The following NOM1 variants were observed in gnomAD, a reference collection of about 807,000 sequenced individuals.
NOM1 encodes nucleolar protein with MIF4G domain 1.
In NOM1, 58 loss-of-function variants were observed where a neutral mutation model predicts 73.3. That is an observed-to-expected ratio of 0.79 (90% CI 0.64 to 0.99). The LOEUF (loss-of-function observed/expected upper bound fraction) is 0.99. NOM1 is among the 50% of genes least tolerant of loss of function. The pLI is 0.00. For synonymous variants in NOM1, 487 were observed against 446.8 expected, an observed-to-expected ratio of 1.09 and a Z score of -1.14; for missense variants, 1,226 against 1,131.9, an observed-to-expected ratio of 1.08 and a Z score of -1.19.
chr7:156,957,605 T>C (rs939453360), intron 3 of NOM1, among the ~76,000 whole-genome samples: 2 of 151,418 alleles, frequency 1.3e-5, no homozygotes, highest in African/African-American at 4.8e-5. Context: ...GAAACCCCGT[T>C]TCTACTAAAA....
intron 7 of NOM1, 94 bp from the exon 8 acceptor site, chr7:156,966,176 C>T (rs1804990712): frequency 7.9e-6 from 12 of 1,517,104 alleles, no homozygotes; most frequent in Middle Eastern, 3.5e-4. Flanking sequence ...TCTAACCAGA[C>T]CCTTCCAGGC....
At chr7:156,963,767 C>T in intron 6 of NOM1, 138 bp from the exon 7 acceptor site, 1 of 935,652 alleles carries the variant, frequency 1.1e-6, no homozygotes, top group Non-Finnish European at 1.6e-6. Context: ...GGGGCGTTGC[C>T]CGAGAGTGGA....
chr7:156,966,149 CCTT>C, intron 7 of NOM1, 118 bp from the exon 8 acceptor site: 1 of 1,264,192 alleles, frequency 7.9e-7, no homozygotes, highest in Non-Finnish European at 1.1e-6. Context: ...GCCTCCACCT[CCTT>C]TACGTGGCTC....
intron 4 of NOM1, among the ~76,000 whole-genome samples, chr7:156,960,742 G>A (rs1490817493): frequency 1.3e-5 from 2 of 152,222 alleles, no homozygotes; most frequent in South Asian, 2.1e-4. Flanking sequence ...CATCTGAAGG[G>A]TTCCAGCAGG....
intron 4 of NOM1, among the ~76,000 whole-genome samples, chr7:156,960,903 G>A (rs1436577804): frequency 6.6e-6 from 1 of 152,140 alleles, no homozygotes; most frequent in African/African-American, 2.4e-5. Flanking sequence ...GTGGACATGG[G>A]CGTCAGAAGT....
intron 2 of NOM1, among the ~76,000 whole-genome samples, chr7:156,953,688 G>C (rs1350118200): frequency 1.3e-5 from 2 of 152,198 alleles, no homozygotes; most frequent in Non-Finnish European, 2.9e-5. Flanking sequence ...AAACAGAGCA[G>C]CCTTTTCTAG....
Position 156,950,663 on chromosome 7 carries a change from G to T in NOM1, c.926G>T (p.Arg309Leu). 1 of 1,552,484 alleles carries T rather than the reference G, an allele frequency of 6.4e-7. No homozygotes were observed. Among genetic ancestry groups the T allele is most frequent in the Non-Finnish European group, 8.7e-7 (1 of 1,147,298 alleles). Residue 309 changes from arginine (R) to leucine (L), a missense_variant, in exon 1 of 11, where the codon CGT becomes CTT. Physicochemically the swap from Arg to Leu is moderately radical, Grantham distance 102. Coordinates refer to ENST00000275820, the MANE Select transcript of NOM1 (RefSeq NM_138400.2). ...AQEKRRGKRV[R>L]FAEDEEKSEN... is the part of the protein sequence containing the mutation. ...GAGAAAAGGAGGGGGAAGAGAGTCC[G>T]TTTTGCAGAAGATGAAGAAAAGAGT...
At chr7:156,969,444 A>G (rs1164805157) in intron 10 of NOM1, 85 bp from the exon 11 acceptor site, 1 of 1,125,780 alleles carries the variant, frequency 8.9e-7, no homozygotes, top group Non-Finnish European at 1.3e-6. Flanking sequence ...GAAACTGGTT[A>G]TGTCTCACTA....
chr7:156,960,228 C>A, intron 4 of NOM1, 54 bp downstream of exon 4: 4 of 1,436,544 alleles, frequency 2.8e-6, no homozygotes, highest in Non-Finnish European at 3.8e-6. Flanking sequence ...CACAAACTGG[C>A]CAGAACCTAA....
chr7:156,955,375 G>T (rs1483094513), intron 3 of NOM1, among the ~76,000 whole-genome samples: 1 of 152,202 alleles, frequency 6.6e-6, no homozygotes, highest in African/African-American at 2.4e-5. Context: ...GGAGATTGTT[G>T]TGAGGTTGGT....
At chr7:156,962,298 G>C in intron 5 of NOM1, 37 bp downstream of exon 5, 1 of 1,500,576 alleles carries the variant, frequency 6.7e-7, no homozygotes, top group Non-Finnish European at 9.3e-7. Flanking sequence ...TTTGCTCAGA[G>C]CTTCCGTGTC....
In NOM1 at chr7:156,960,029, A is replaced by T. The variant is rs769140387; in HGVS notation, c.1487A>T (p.Glu496Val). The change falls in exon 4 of 11, where the codon GAA becomes GTA. Residue 496 changes from glutamate to valine, a missense_variant. Coordinates refer to ENST00000275820, the MANE Select transcript of NOM1 (RefSeq NM_138400.2). Reference protein sequence around the residue: ...ILKKLIGTFTEKDIELILLML... With the variant: ...ILKKLIGTFTVKDIELILLML... ...AAAAAACTGATTGGAACTTTCACCG[A>T]AAAAGATATTGAACTGATCTTGTTA... 2 of 1,614,198 alleles carry T rather than the reference A, an allele frequency of 1.2e-6. No homozygotes were observed. Among genetic ancestry groups the T allele is most frequent in the Non-Finnish European group, 1.7e-6 (2 of 1,180,044 alleles).
intron 3 of NOM1, chr7:156,958,467 A>G (rs1291516714): frequency 6.6e-6 from 1 of 151,814 alleles, no homozygotes; most frequent in Non-Finnish European, 1.5e-5. Context: ...TGTCACCACC[A>G]TGTCCCTGCT....
Position 156,969,534 on chromosome 7 carries a change from C to T in NOM1, c.2414C>T (p.Ser805Phe). Reference sequence around the variant, plus strand: ...TTTATACGATTCCTTTCCAGAGTATCTGACAACCCAAAGCTGGGGGTGTTA... The same window carrying T: ...TTTATACGATTCCTTTCCAGAGTATTTGACAACCCAAAGCTGGGGGTGTTA... ...EDLSLIFTRV[S>F]DNPKLGVLRE... Residue 805 changes from serine to phenylalanine, a missense_variant, in exon 11 of 11, where the codon TCT becomes TTT. Physicochemically the swap from Ser to Phe is radical, Grantham distance 155 (BLOSUM62 -2). Transcript: ENST00000275820. 1 of 1,613,208 alleles carries T rather than the reference C, an allele frequency of 6.2e-7. No homozygotes were observed. The highest frequency in any genetic ancestry group is 8.5e-7 in the Non-Finnish European group (1 of 1,179,520).
chr7:156,960,575 T>G (rs1401901742), intron 4 of NOM1, among the ~76,000 whole-genome samples: 1 of 152,016 alleles, frequency 6.6e-6, no homozygotes, highest in Non-Finnish European at 1.5e-5. Flanking sequence ...GATGATGAGA[T>G]GTGTGGAACC....
In NOM1 at chr7:156,950,954, A is replaced by C. The variant is rs186761264; in HGVS notation, c.987+230A>C. On this transcript the variant is annotated intron_variant, in intron 1 of 10. Coordinates refer to ENST00000275820, the MANE Select transcript of NOM1 (RefSeq NM_138400.2). ...AGAGACATTTTTATCCCGGGGACTT[A>C]AGGGCCATTTCCACAGTGCAGCATC... Among the ~76,000 whole-genome samples the C allele has an allele frequency of 2.4e-3, 363 of 152,310 alleles. 1 individual carries two copies. The highest frequency in any genetic ancestry group is 8.2e-3 in the African/African-American group (341 of 41,568).
At chr7:156,962,286 G>A (rs367680204) in intron 5 of NOM1, 25 bp downstream of exon 5, 1 of 1,564,752 alleles carries the variant, frequency 6.4e-7, no homozygotes, top group Non-Finnish European at 8.8e-7. Flanking sequence ...TTTCAATTCT[G>A]TTTTGCTCAG....
intron 8 of NOM1, 92 bp from the exon 9 acceptor site, chr7:156,966,866 GATA>G (rs753113568): frequency 7.9e-5 from 103 of 1,311,572 alleles, no homozygotes; most frequent in Non-Finnish European, 1.1e-4. Context: ...TTAAAAATAA[GATA>G]ATAAGAAAAT....
intron 3 of NOM1, among the ~76,000 whole-genome samples, chr7:156,959,129 G>A (rs1804799176): frequency 6.7e-6 from 1 of 149,478 alleles, no homozygotes; most frequent in African/African-American, 2.5e-5. Flanking sequence ...TTTACACAGA[G>A]TCTTGCTCTG....
Sources: gnomAD v4.1 joint callset for allele counts (sites outside exome capture counted in the v4.1 genomes callset) on GRCh38, gnomAD v4.1.1 for gene constraint, MANE v1.5 for transcripts, NCBI Gene and HGNC (gene_info 2026-07-23, HGNC 2026-07-21) for gene names.